ZMAT5: variants seen among roughly 807,000 people sequenced by gnomAD.
ZMAT5 encodes zinc finger matrin-type 5.
In ZMAT5, 23 loss-of-function variants were observed where a neutral mutation model predicts 28.0. The ratio of observed to expected loss-of-function variants is 0.82; its 90% CI spans 0.59 to 1.16. The LOEUF is 1.16. Among genes scored for constraint, ZMAT5 ranks in the 50% most tolerant of loss-of-function variants. The pLI is 0.00. For missense variants in ZMAT5, 173 were observed against 212.7 expected (o/e 0.81, Z 1.16); for synonymous variants, 76 against 84.1 (o/e 0.90, Z 0.52).
rs1337309512 is a variant in ZMAT5 at position 29,731,321 on chromosome 22, G to T, written c.417C>A (p.Tyr139Ter). ...AEPIRTTVFQYPVGWPPVQEL... is the reference protein window; with the variant it reads ...AEPIRTTVFQ ...CCTGAACTGGTGGCCAGCCCACGGG[G>T]TACTGGAAGACAGTGGTTCTGATGG... The change falls in exon 6 of 6, where the codon TAC becomes TAA. Residue 139 changes from tyrosine to a stop codon, truncating the protein, a stop_gained. Coordinates refer to ENST00000344318, the MANE Select transcript of ZMAT5 (RefSeq NM_001003692.2). LOFTEE classifies it high-confidence loss of function. 6.5e-7 allele frequency: 1 copy of T among 1,535,124 alleles called. No individual in the cohort carries two copies. Among genetic ancestry groups the T allele is most frequent in the Non-Finnish European group, 8.7e-7 (1 of 1,152,016 alleles).
chr22:29,761,250 T>A (rs2068154393), intron 1 of ZMAT5, among the ~76,000 whole-genome samples: 1 of 108,788 alleles, frequency 9.2e-6, no homozygotes, highest in Admixed American at 1.3e-4. Flanking sequence ...TCTAGCCTGG[T>A]GAGAGTGAAA....
intron 1 of ZMAT5, among the ~76,000 whole-genome samples, chr22:29,763,037 A>T (rs896621424): frequency 2.0e-5 from 3 of 152,130 alleles, no homozygotes; most frequent in Admixed American, 6.6e-5. Context: ...AAATTTTTTT[A>T]AATTAGGCTG....
chr22:29,758,404 C>T (rs937085672), intron 1 of ZMAT5, among the ~76,000 whole-genome samples: 8 of 152,242 alleles, frequency 5.3e-5, no homozygotes, highest in African/African-American at 1.9e-4. Context: ...TTGCTTAAGT[C>T]CAGGAGTTTG....
At chr22:29,761,561 C>G (rs904623180) in intron 1 of ZMAT5, among the ~76,000 whole-genome samples, 1 of 151,984 alleles carries the variant, frequency 6.6e-6, no homozygotes, top group Non-Finnish European at 1.5e-5. Flanking sequence ...CCACTGCACT[C>G]CAGCCTGGGT....
intron 5 of ZMAT5, among the ~76,000 whole-genome samples, chr22:29,734,273 A>G (rs1172270576): frequency 1.3e-5 from 2 of 152,158 alleles, no homozygotes; most frequent in Admixed American, 6.5e-5. Context: ...CTGGGGCTTC[A>G]TGGACCCCCA....
chr22:29,762,147 A>G (rs1281337721), intron 1 of ZMAT5, among the ~76,000 whole-genome samples: 2 of 152,248 alleles, frequency 1.3e-5, no homozygotes, highest in East Asian at 3.8e-4. Context: ...AATATATTAA[A>G]TTTACAAATA....
intron 1 of ZMAT5, among the ~76,000 whole-genome samples, chr22:29,764,276 G>A (rs977571886): frequency 3.3e-5 from 5 of 152,192 alleles, no homozygotes; most frequent in African/African-American, 1.2e-4. Flanking sequence ...GACCTAAGTA[G>A]TCTTCCCCTG....
intron 5 of ZMAT5, among the ~76,000 whole-genome samples, chr22:29,737,899 A>AC (rs2067921249): frequency 1.7e-5 from 1 of 58,180 alleles, no homozygotes; most frequent in African/African-American, 1.3e-4. Context: ...CCTCGTCATC[A>AC]CGCCTGTGCA....
rs372547899 is a variant in ZMAT5 at position 29,764,926 on chromosome 22, TC to T, written c.-28+1945del. 1.2e-4 allele frequency among the ~76,000 whole-genome samples: 19 copies of T among 152,088 alleles called. No individual in the cohort carries two copies. In the East Asian group the frequency reaches 2.9e-3, roughly 23 times the overall value. Reference sequence around the variant, plus strand: ...CTGGGATTATAGGTGTGAGGCACCATCCCCAGCCCAGTCCCTGGTTTTGAAT... The same window carrying T: ...CTGGGATTATAGGTGTGAGGCACCATCCCAGCCCAGTCCCTGGTTTTGAAT... On this transcript the variant is annotated intron_variant, in intron 1 of 5. Coordinates refer to ENST00000344318, the MANE Select transcript of ZMAT5 (RefSeq NM_001003692.2).
At chr22:29,754,051 T>C (rs916529250) in intron 1 of ZMAT5, among the ~76,000 whole-genome samples, 1 of 151,968 alleles carries the variant, frequency 6.6e-6, no homozygotes, top group African/African-American at 2.4e-5. Flanking sequence ...CAGGTGTCCT[T>C]GCACAAGGTG....
chr22:29,765,834 C>A (rs2068204659), intron 1 of ZMAT5, among the ~76,000 whole-genome samples: 1 of 152,208 alleles, frequency 6.6e-6, no homozygotes, highest in Non-Finnish European at 1.5e-5. Context: ...CACCACTACA[C>A]TCCAGTCTGG....
Position 29,731,211 on chromosome 22 carries a change from CG to C in ZMAT5, c.*13del. 6.7e-7 allele frequency: 1 copy of C among 1,485,854 alleles called. No individual in the cohort carries two copies. The highest frequency in any genetic ancestry group is 8.9e-7 in the Non-Finnish European group (1 of 1,127,678). The allele number at this position is 1,485,854 out of a possible 1,614,324, so 92.0% of individuals were successfully genotyped here. Reference sequence around the variant, plus strand: ...GAAAAGTGACCACGTGGGGGTCAGTCGGGGGCAAGGGGCTCAGCCCCACTGG... The same window carrying C: ...GAAAAGTGACCACGTGGGGGTCAGTCGGGGCAAGGGGCTCAGCCCCACTGG... On this transcript the variant is annotated 3_prime_UTR_variant, in exon 6 of 6. Transcript: ENST00000344318.
chr22:29,734,685 G>T (rs1468438943), intron 5 of ZMAT5, among the ~76,000 whole-genome samples: 1 of 152,206 alleles, frequency 6.6e-6, no homozygotes, highest in African/African-American at 2.4e-5. Context: ...CAAGAAAATA[G>T]CATGCGCAAG....
intron 4 of ZMAT5, among the ~76,000 whole-genome samples, chr22:29,739,045 A>G (rs1054901168): frequency 2.0e-5 from 3 of 149,868 alleles, no homozygotes; most frequent in Non-Finnish European, 4.4e-5. Flanking sequence ...GCCTGGCCCT[A>G]AGGAGGGGTC....
intron 5 of ZMAT5, among the ~76,000 whole-genome samples, chr22:29,732,169 C>T (rs904722863): frequency 2.0e-5 from 3 of 152,370 alleles, no homozygotes; most frequent in East Asian, 1.9e-4. Context: ...TTGGGCCCCA[C>T]GCATGCTGCT....
intron 2 of ZMAT5, chr22:29,746,982 C>G (rs1382918488): frequency 6.6e-6 from 1 of 152,286 alleles, no homozygotes; most frequent in Non-Finnish European, 1.5e-5. Flanking sequence ...CACGCCTGGC[C>G]TGCTGAGCAG....
At chr22:29,737,930 C>T (rs369081319) in intron 5 of ZMAT5, among the ~76,000 whole-genome samples, 21 of 152,254 alleles carry the variant, frequency 1.4e-4, no homozygotes, top group East Asian at 9.7e-4. Flanking sequence ...TACATTTTCC[C>T]GTCTGTGTGC....
intron 3 of ZMAT5, among the ~76,000 whole-genome samples, chr22:29,741,677 C>T (rs952089879): frequency 4.6e-5 from 7 of 152,154 alleles, no homozygotes; most frequent in Non-Finnish European, 7.4e-5. Flanking sequence ...GAGACAGGGT[C>T]CTCACTCTGT....
chr22:29,737,350 A>AG (rs2067915879), intron 5 of ZMAT5, among the ~76,000 whole-genome samples: 1 of 152,192 alleles, frequency 6.6e-6, no homozygotes, highest in Non-Finnish European at 1.5e-5. Context: ...AAAGAAAGAA[A>AG]AAAAACACCC....
Sources: gnomAD v4.1 joint callset for allele counts (sites outside exome capture counted in the v4.1 genomes callset) on GRCh38, gnomAD v4.1.1 for gene constraint, MANE v1.5 for transcripts, NCBI Gene and HGNC (gene_info 2026-07-23, HGNC 2026-07-21) for gene names.